NETO2: variants seen among roughly 807,000 people sequenced by gnomAD.
NETO2 encodes neuropilin and tolloid like 2.
Under a neutral mutation model 62.5 loss-of-function variants are expected in NETO2, and 28 were observed. That is an observed-to-expected ratio of 0.45 (90% CI 0.33 to 0.61). The LOEUF (loss-of-function observed/expected upper bound fraction) is 0.61, where lower values mean the gene tolerates loss of function less well. Ranked by LOEUF, NETO2 falls within the 20% of genes least tolerant of loss-of-function variation. The pLI, the probability that NETO2 is intolerant of heterozygous loss-of-function variation, is 0.02. For missense variants in NETO2, 548 were observed against 643.2 expected, an observed-to-expected ratio of 0.85 and a Z score of 1.60; for synonymous variants, 214 against 219.1, an observed-to-expected ratio of 0.98 and a Z score of 0.21.
chr16:47,113,916 A>G (rs1963855069), intron 6 of NETO2, among the ~76,000 whole-genome samples: 1 of 152,028 alleles, frequency 6.6e-6, no homozygotes, highest in Admixed American at 6.6e-5. Flanking sequence ...GCTAAAGAAC[A>G]CTTGAAACAT....
Position 47,083,660 on chromosome 16 carries a change from C to T in NETO2, c.1139G>A (p.Cys380Tyr), listed in dbSNP as rs759371227. The change falls in exon 9 of 9, where the codon TGC becomes TAC. Residue 380 changes from cysteine to tyrosine, a missense_variant. Physicochemically the swap from Cys to Tyr is radical, Grantham distance 194. Transcript: ENST00000562435. ...VKQPRKKVMA[C>Y]KTAFNKTGFQ... ...CCCGGTTTTATTAAAAGCGGTTTTGCAAGCCATGACCTTTTTTCGAGGCTG... is the reference window on the plus strand; with the variant it reads ...CCCGGTTTTATTAAAAGCGGTTTTGTAAGCCATGACCTTTTTTCGAGGCTG... 2.5e-6 allele frequency: 4 copies of T among 1,614,134 alleles called. No individual in the cohort carries two copies. Among genetic ancestry groups the T allele is most frequent in the Non-Finnish European group, 3.4e-6 (4 of 1,180,028 alleles).
chr16:47,109,346 C>G (rs963251604), intron 7 of NETO2, 137 bp downstream of exon 7: 15 of 405,496 alleles, frequency 3.7e-5, no homozygotes, highest in Admixed American at 3.5e-4. Context: ...AAATAATATT[C>G]TTGCATTAAA....
Position 47,081,492 on chromosome 16 carries a change from C to G in NETO2, c.*1729G>C, listed in dbSNP as rs1182056760. 4 of 152,512 alleles carry G rather than the reference C, an allele frequency of 2.6e-5. No individual in the cohort carries two copies. The highest frequency in any genetic ancestry group is 2.1e-4 in the South Asian group (1 of 4,824). The allele number at this position is 152,512 out of a possible 1,614,324, so 9.4% of individuals were successfully genotyped here. A position where few individuals can be genotyped will look rare whatever the true frequency, so the allele number is the denominator to read the frequency against. ...TTTTCTGTCTCCTAAATATTATCTA[C>G]TTTTTTAAAAAACAAAAATTTTGAT... On this transcript the variant is annotated 3_prime_UTR_variant, in exon 9 of 9. Coordinates refer to ENST00000562435, the MANE Select transcript of NETO2 (RefSeq NM_018092.5).
chr16:47,126,500 G>A (rs998208347), intron 4 of NETO2, among the ~76,000 whole-genome samples: 1 of 152,150 alleles, frequency 6.6e-6, no homozygotes, highest in African/African-American at 2.4e-5. Context: ...GGCAGAGCAC[G>A]GGGCACTGTT....
At chr16:47,140,968 G>T (rs747294364) in intron 1 of NETO2, among the ~76,000 whole-genome samples, 43 of 152,200 alleles carry the variant, frequency 2.8e-4, no homozygotes, top group Non-Finnish European at 5.4e-4. Context: ...ATTTTCATGA[G>T]ACTATAATGC....
At chr16:47,090,686 A>G (rs929630830) in intron 7 of NETO2, among the ~76,000 whole-genome samples, 6 of 152,182 alleles carry the variant, frequency 3.9e-5, no homozygotes, top group African/African-American at 1.4e-4. Context: ...ATGTCACCGA[A>G]AATCACATTA....
At chr16:47,107,038 T>A (rs1963691601) in intron 7 of NETO2, among the ~76,000 whole-genome samples, 1 of 152,174 alleles carries the variant, frequency 6.6e-6, no homozygotes, top group South Asian at 2.1e-4. Context: ...GACCTTGGCC[T>A]CCCAAAGTGC....
At chr16:47,109,834 A>T in intron 6 of NETO2, 123 bp from the exon 7 acceptor site, 1 of 650,032 alleles carries the variant, frequency 1.5e-6, no homozygotes. Context: ...ATAATCGATA[A>T]ATGGCTGATG....
At position 47,131,979 on chromosome 16, in the gene NETO2, T is replaced by C. The variant is rs755739974; in HGVS notation, c.81A>G (p.Gln27=). ...ATGTAAGTACTTTACCTTGGGTTTTTTGGGCCACGGCAATCCCTTCCACTA... is the reference window on the plus strand; with the variant it reads ...ATGTAAGTACTTTACCTTGGGTTTTCTGGGCCACGGCAATCCCTTCCACTA... ...VLVVEGIAVA[Q]KTQDGQNIGI... is the part of the protein sequence containing the mutation. Residue 27 remains glutamine (Q), a synonymous_variant, in exon 2 of 9, where the codon CAA becomes CAG. Coordinates refer to ENST00000562435, the MANE Select transcript of NETO2 (RefSeq NM_018092.5). 182 of 1,612,588 alleles carry C rather than the reference T, an allele frequency of 1.1e-4. No homozygotes were observed. The Admixed American group carries it at 3.0e-3, about 26-fold the overall frequency.
At chr16:47,128,911 T>G (rs1596743263) in intron 3 of NETO2, among the ~76,000 whole-genome samples, 1 of 152,214 alleles carries the variant, frequency 6.6e-6, no homozygotes, top group East Asian at 1.9e-4. Flanking sequence ...AGAACTCACT[T>G]ATGTGGACAT....
At chr16:47,118,811 G>T (rs946996872) in intron 6 of NETO2, among the ~76,000 whole-genome samples, 5 of 152,098 alleles carry the variant, frequency 3.3e-5, no homozygotes, top group African/African-American at 1.2e-4. Context: ...AAACATTTCT[G>T]TATCACTAAA....
chr16:47,086,204 T>C (rs1322023067), intron 8 of NETO2, 22 bp downstream of exon 8: 2 of 1,341,988 alleles, frequency 1.5e-6, no homozygotes, highest in Non-Finnish European at 2.1e-6. Flanking sequence ...CTCAAAAATG[T>C]TGGCCTTTAC....
intron 6 of NETO2, 28 bp from the exon 7 acceptor site, chr16:47,109,739 T>A (rs1297829697): frequency 6.9e-7 from 1 of 1,459,268 alleles, no homozygotes; most frequent in Admixed American, 1.7e-5. Context: ...AAACACTGCT[T>A]TTAAAAAGAT....
chr16:47,121,234 T>C (rs1373314913), intron 6 of NETO2, among the ~76,000 whole-genome samples: 1 of 152,210 alleles, frequency 6.6e-6, no homozygotes, highest in Non-Finnish European at 1.5e-5. Flanking sequence ...AAGGAACTCC[T>C]TCCTGTGTGT....
At chr16:47,129,781 A>G (rs1366861943) in intron 2 of NETO2, among the ~76,000 whole-genome samples, 1 of 152,244 alleles carries the variant, frequency 6.6e-6, no homozygotes, top group East Asian at 1.9e-4. Flanking sequence ...TTAGTTGAAG[A>G]CTGTAGACTA....
At chr16:47,136,447 G>A (rs1054433675) in intron 1 of NETO2, among the ~76,000 whole-genome samples, 24 of 152,106 alleles carry the variant, frequency 1.6e-4, no homozygotes, top group African/African-American at 4.8e-4. Context: ...TCACTCTGTC[G>A]CCTATGCTGG....
rs2143793048 is a variant in NETO2 at position 47,083,729 on chromosome 16, A to G, written c.1070T>C (p.Ile357Thr). Residue 357 changes from isoleucine to threonine, a missense_variant, in exon 9 of 9, where the codon ATT becomes ACT. Transcript: ENST00000562435. ...AGAAATAATGAGAAGGACCAAGACA[A>G]TCCCTGAAGTAATGCCAATAATTGT... ...HGTIIGITSG[I>T]VLVLLIISIL... 1 of 1,613,858 alleles carries G rather than the reference A, an allele frequency of 6.2e-7. No homozygotes were observed. The highest frequency in any genetic ancestry group is 1.6e-4 in the Middle Eastern group (1 of 6,062).
At chr16:47,087,258 T>A (rs1963212459) in intron 7 of NETO2, among the ~76,000 whole-genome samples, 1 of 152,164 alleles carries the variant, frequency 6.6e-6, no homozygotes, top group African/African-American at 2.4e-5. Context: ...ACTCCTGACC[T>A]CGTGATCCAC....
chr16:47,102,718 A>G (rs1177565889), intron 7 of NETO2, among the ~76,000 whole-genome samples: 2 of 152,226 alleles, frequency 1.3e-5, no homozygotes, highest in Non-Finnish European at 2.9e-5. Context: ...TCATTAGAGA[A>G]ATGCAAATCA....
Sources: gnomAD v4.1 joint callset for allele counts (sites outside exome capture counted in the v4.1 genomes callset) on GRCh38, gnomAD v4.1.1 for gene constraint, MANE v1.5 for transcripts, NCBI Gene and HGNC (gene_info 2026-07-23, HGNC 2026-07-21) for gene names.